Variants in TCF12 observed in about 807,000 individuals in gnomAD.
The protein encoded by TCF12 is transcription factor 12.
TCF12 carries 45 observed loss-of-function variants against 86.0 expected under a neutral mutation model. That is an observed-to-expected ratio of 0.52 (90% CI 0.41 to 0.67). The LOEUF (loss-of-function observed/expected upper bound fraction) is 0.67. Among genes scored for constraint, TCF12 ranks in the 30% least tolerant of loss-of-function variants. The pLI is 0.00. For missense variants in TCF12, 881 were observed against 859.9 expected (o/e 1.02, Z -0.31); for synonymous variants, 330 against 299.6 (o/e 1.10, Z -1.05).
chr15:57,207,413 G>A (rs1394218478), intron 8 of TCF12, among the ~76,000 whole-genome samples: 1 of 152,150 alleles, frequency 6.6e-6, no homozygotes, highest in East Asian at 1.9e-4. Flanking sequence ...AACGCCTGTA[G>A]TAATCCCAGT....
chr15:56,970,985 T>C (rs1462778082), intron 3 of TCF12, among the ~76,000 whole-genome samples: 1 of 151,548 alleles, frequency 6.6e-6, no homozygotes, highest in Non-Finnish European at 1.5e-5. Flanking sequence ...GCCTGAGAGG[T>C]TGAGGCTGTA....
At chr15:57,241,086 A>C (rs7171877) in intron 12 of TCF12, among the ~76,000 whole-genome samples, 4,712 of 150,700 alleles carry the variant, frequency 0.031, 250 homozygotes, top group African/African-American at 0.11. Flanking sequence ...CAACTTAAAA[A>C]CCAATAATAT....
chr15:57,223,642 GGTT>G lies in TCF12; in HGVS notation c.580-7509_580-7507del, dbSNP rs2076915456. Among the ~76,000 whole-genome samples, 3 of 34,246 alleles carry G rather than the reference GGTT, an allele frequency of 8.8e-5. 1 individual carries two copies. The highest frequency in any genetic ancestry group is 2.6e-3 in the South Asian group (2 of 778). 22.5% of individuals were successfully genotyped at this position (34,246 alleles called of 152,430 possible). A position where few individuals can be genotyped will look rare whatever the true frequency, so the allele number is the denominator to read the frequency against. On this transcript the variant is annotated intron_variant, in intron 8 of 20. Transcript: ENST00000333725. ...GGTTTTGGCACCTGCCTACCAATGA[GGTT>G]TTTTTTTTTTTTTTTTTTTTTTTTT... is the stretch of plus-strand genomic sequence containing the variant.
chr15:57,222,495 A>T (rs1019654456), intron 8 of TCF12, among the ~76,000 whole-genome samples: 2 of 151,886 alleles, frequency 1.3e-5, no homozygotes, highest in Non-Finnish European at 2.9e-5. Flanking sequence ...ATTTTTGTGT[A>T]GCTGTATTCT....
intron 18 of TCF12, among the ~76,000 whole-genome samples, chr15:57,271,944 T>A (rs8039176): frequency 0.32 from 49,283 of 151,822 alleles, 9,410 homozygotes; most frequent in African/African-American, 0.52. Flanking sequence ...AAAAATGTCC[T>A]TATTCCCCTT....
chr15:57,022,197 C>G (rs2065532052), intron 3 of TCF12, among the ~76,000 whole-genome samples: 1 of 152,068 alleles, frequency 6.6e-6, no homozygotes, highest in South Asian at 2.1e-4. Context: ...AAGTATTTCT[C>G]TTAATGCTGT....
chr15:56,975,040 G>A (rs1255657733), intron 3 of TCF12, among the ~76,000 whole-genome samples: 4 of 152,048 alleles, frequency 2.6e-5, no homozygotes, highest in Admixed American at 1.3e-4. Context: ...TTTTATAAAT[G>A]TTTTCCCATC....
intron 5 of TCF12, among the ~76,000 whole-genome samples, chr15:57,117,225 T>C (rs2050904012): frequency 6.6e-6 from 1 of 152,130 alleles, no homozygotes. Flanking sequence ...GTTTTGTTTT[T>C]GGTCAAGACA....
chr15:56,928,918 C>G (rs2060130541), intron 3 of TCF12, among the ~76,000 whole-genome samples: 1 of 152,136 alleles, frequency 6.6e-6, no homozygotes, highest in Non-Finnish European at 1.5e-5. Flanking sequence ...AGAACGTATT[C>G]ACTTTTTTTC....
chr15:57,244,450 G>C (rs1156763042), intron 13 of TCF12, among the ~76,000 whole-genome samples: 3 of 151,954 alleles, frequency 2.0e-5, no homozygotes, highest in African/African-American at 7.2e-5. Flanking sequence ...GTGGAGATAA[G>C]TGGTTCACAT....
At chr15:57,213,371 TA>T (rs1401682803) in intron 8 of TCF12, among the ~76,000 whole-genome samples, 1 of 152,240 alleles carries the variant, frequency 6.6e-6, no homozygotes, top group African/African-American at 2.4e-5. Context: ...TTTTTTACTT[TA>T]TTGTCACAAA....
intron 4 of TCF12, among the ~76,000 whole-genome samples, chr15:57,087,092 T>C (rs565763556): frequency 2.0e-5 from 3 of 147,928 alleles, no homozygotes; most frequent in African/African-American, 7.7e-5. Flanking sequence ...TCTCCCTCTG[T>C]CTCCCTCTCT....
At position 57,053,762 on chromosome 15, in the gene TCF12, A is replaced by G. The variant is rs117269846; in HGVS notation, c.149-9988A>G. On this transcript the variant is annotated intron_variant, in intron 3 of 20. Transcript: ENST00000333725. ...CAGCCCCCAGTTGCCTGAAGTATCT[A>G]TCATTTGGCCCTTTATTGCAAAAGT... 8.3e-3 allele frequency among the ~76,000 whole-genome samples: 1,262 copies of G among 152,274 alleles called. 11 individuals are homozygous for G. The highest frequency in any genetic ancestry group is 0.014 in the Non-Finnish European group (958 of 68,014).
At chr15:57,129,137 A>G (rs2051908884) in intron 5 of TCF12, among the ~76,000 whole-genome samples, 1 of 152,338 alleles carries the variant, frequency 6.6e-6, no homozygotes, top group African/African-American at 2.4e-5. Context: ...GCACCATTTT[A>G]CAATCCCATC....
In TCF12 at chr15:57,146,672, T is replaced by G. The variant is rs1415626386; in HGVS notation, c.326-19730T>G. ...TGTCTTTCGTTTCCAAAATTCTGTC[T>G]TCTTTGTAGTTAATCATGAAAGCTT... On this transcript the variant is annotated intron_variant, in intron 5 of 20. Coordinates refer to ENST00000333725, the MANE Select transcript of TCF12 (RefSeq NM_207037.2). Among the ~76,000 whole-genome samples the G allele has an allele frequency of 3.3e-5, 5 of 152,358 alleles. No homozygotes were observed. The South Asian group carries it at 8.3e-4, about 25-fold the overall frequency.
chr15:57,252,529 C>G (rs2060165426), intron 15 of TCF12, 37 bp downstream of exon 15: 1 of 1,531,136 alleles, frequency 6.5e-7, no homozygotes, highest in Non-Finnish European at 9.0e-7. Flanking sequence ...TTTTGTGTTT[C>G]AATTAATTAT....
chr15:57,117,271 A>G (rs374647174), intron 5 of TCF12, among the ~76,000 whole-genome samples: 60 of 151,986 alleles, frequency 3.9e-4, no homozygotes, highest in African/African-American at 1.4e-3. Flanking sequence ...GGCTCAAACA[A>G]TCCCCCTGCC....
chr15:57,121,603 A>G (rs1459788073), intron 5 of TCF12, among the ~76,000 whole-genome samples: 1 of 152,126 alleles, frequency 6.6e-6, no homozygotes, highest in Admixed American at 6.5e-5. Flanking sequence ...CCCTTCTGCC[A>G]TTTGAAGATA....
intron 3 of TCF12, among the ~76,000 whole-genome samples, chr15:56,921,556 T>C (rs1239711648): frequency 3.3e-5 from 5 of 152,036 alleles, no homozygotes; most frequent in Non-Finnish European, 7.4e-5. Flanking sequence ...TTTTTTTAAC[T>C]TTTAAAAACT....
Sources: gnomAD v4.1 joint callset for allele counts (sites outside exome capture counted in the v4.1 genomes callset) on GRCh38, gnomAD v4.1.1 for gene constraint, MANE v1.5 for transcripts, NCBI Gene and HGNC (gene_info 2026-07-23, HGNC 2026-07-21) for gene names.